Variants in ACACA observed in about 807,000 individuals in gnomAD.
ACACA encodes acetyl-CoA carboxylase alpha.
A neutral mutation model predicts 296.1 loss-of-function variants in ACACA; 103 were observed. The ratio of observed to expected loss-of-function variants is 0.35; its 90% CI spans 0.30 to 0.41. The LOEUF (loss-of-function observed/expected upper bound fraction) is 0.41. Among genes scored for constraint, ACACA ranks in the 10% least tolerant of loss-of-function variants. The pLI is 1.00. For synonymous variants in ACACA, 953 were observed against 1,038.6 expected (o/e 0.92, Z 1.58); for missense variants, 1,554 against 2,989.7 (o/e 0.52, Z 11.20).
chr17:37,342,406 C>CAAAAAAAAAAAAAAAAAAAAAA, intron 1 of ACACA, among the ~76,000 whole-genome samples: 1 of 21,110 alleles, frequency 4.7e-5, no homozygotes, highest in Non-Finnish European at 8.2e-5. Context: ...GACTGTCTCT[C>CAAAAAAAAAAAAAAAAAAAAAA]AAAAAAAAAA....
At chr17:37,329,218 C>T (rs905444734) in intron 3 of ACACA, among the ~76,000 whole-genome samples, 1 of 152,098 alleles carries the variant, frequency 6.6e-6, no homozygotes, top group Non-Finnish European at 1.5e-5. Flanking sequence ...AAACTTACTA[C>T]GAAGTTGACA....
chr17:37,359,260 C>A, intron 1 of ACACA: 2 of 611,230 alleles, frequency 3.3e-6, no homozygotes, highest in Non-Finnish European at 4.1e-6. Flanking sequence ...CCGCTCCGGG[C>A]TGCGGCGCTG....
At chr17:37,316,332 C>T (rs1303150187) in intron 3 of ACACA, among the ~76,000 whole-genome samples, 1 of 151,742 alleles carries the variant, frequency 6.6e-6, no homozygotes, top group Non-Finnish European at 1.5e-5. Context: ...CACACACACA[C>T]ACCCCTAACT....
At chr17:37,158,655 C>T (rs1336720760) in intron 42 of ACACA, among the ~76,000 whole-genome samples, 1 of 151,916 alleles carries the variant, frequency 6.6e-6, no homozygotes, top group Non-Finnish European at 1.5e-5. Flanking sequence ...AACAAAAAAA[C>T]AGGATGAGAT....
intron 54 of ACACA, among the ~76,000 whole-genome samples, chr17:37,094,424 T>G (rs1268423811): frequency 3.3e-5 from 5 of 152,186 alleles, no homozygotes; most frequent in African/African-American, 1.2e-4. Context: ...AGCTAATAGA[T>G]GCCTATCTCG....
chr17:37,212,315 GAAAAGAACACCAATAACAACA>G (rs1397221563), intron 29 of ACACA, among the ~76,000 whole-genome samples: 2 of 152,130 alleles, frequency 1.3e-5, no homozygotes, highest in Non-Finnish European at 2.9e-5. Context: ...GGCCCGAACT[GAAAAGAACACCAATAACAACA>G]AAAAGCCAGG....
At chr17:37,381,356 C>T (rs975869741) in intron 1 of ACACA, among the ~76,000 whole-genome samples, 3 of 151,028 alleles carry the variant, frequency 2.0e-5, no homozygotes, top group Admixed American at 6.6e-5. Context: ...CAGTGAATTT[C>T]TGTATTTTTA....
chr17:37,197,960 A>T (rs12103832), intron 35 of ACACA, among the ~76,000 whole-genome samples: 49,559 of 151,966 alleles, frequency 0.33, 10,048 homozygotes, highest in African/African-American at 0.56. Context: ...TGCCACTATA[A>T]ATAGGAATCA....
In ACACA at chr17:37,191,188, T is replaced by C. The variant is rs1276060484; in HGVS notation, c.4504A>G (p.Asn1502Asp). 6.2e-7 allele frequency: 1 copy of C among 1,614,094 alleles called. No homozygotes were observed. Among genetic ancestry groups the C allele is most frequent in the East Asian group, 2.2e-5 (1 of 44,878 alleles). ...DELEVAFNNTNVRTDCNHIFL... is the reference protein window; with the variant it reads ...DELEVAFNNTDVRTDCNHIFL... ...ATGTGGTTACAGTCAGTGCGGACAT[T>C]TGTATTGTTAAAAGCAACTTCCAAC... is the stretch of plus-strand genomic sequence containing the variant. Residue 1502 changes from asparagine (N) to aspartate (D), a missense_variant, in exon 38 of 56, where the codon AAT (asparagine) becomes GAT (aspartate). Physicochemically the swap from Asn to Asp is conservative, Grantham distance 23. This residue lies in a region of ACACA where 35 missense variants were observed against 131.8 expected (regional missense o/e 0.27). Transcript: ENST00000616317.
intron 14 of ACACA, among the ~76,000 whole-genome samples, chr17:37,257,178 G>C (rs1001830428): frequency 6.6e-6 from 1 of 152,060 alleles, no homozygotes; most frequent in African/African-American, 2.4e-5. Flanking sequence ...TAGCAATGTA[G>C]ACAGTTTCTT....
chr17:37,234,780 T>A (rs570500916), intron 25 of ACACA, among the ~76,000 whole-genome samples, 195 bp downstream of exon 25: 1 of 152,220 alleles, frequency 6.6e-6, no homozygotes, highest in East Asian at 1.9e-4. Flanking sequence ...AGAGTCATTT[T>A]CTCACTAAAG....
At chr17:37,142,771 T>C (rs1459982360) in intron 45 of ACACA, among the ~76,000 whole-genome samples, 2 of 152,222 alleles carry the variant, frequency 1.3e-5, no homozygotes, top group Non-Finnish European at 2.9e-5. Context: ...CCTCTCACAT[T>C]AATGGCTTTC....
intron 1 of ACACA, among the ~76,000 whole-genome samples, chr17:37,383,726 T>C (rs1237649016): frequency 6.6e-6 from 1 of 152,134 alleles, no homozygotes; most frequent in Non-Finnish European, 1.5e-5. Flanking sequence ...GTATTTTTAG[T>C]AGAGATAGGG....
chr17:37,135,230 G>A (rs1288061813), intron 45 of ACACA, among the ~76,000 whole-genome samples: 1 of 152,216 alleles, frequency 6.6e-6, no homozygotes, highest in Non-Finnish European at 1.5e-5. Flanking sequence ...AAATCTCTAG[G>A]GAGATGGAAC....
At chr17:37,341,448 T>C (rs2048366914) in intron 1 of ACACA, among the ~76,000 whole-genome samples, 1 of 152,092 alleles carries the variant, frequency 6.6e-6, no homozygotes, top group Non-Finnish European at 1.5e-5. Flanking sequence ...CCCAGCACTT[T>C]GGGAGGCCAA....
intron 10 of ACACA, among the ~76,000 whole-genome samples, chr17:37,268,725 C>CTATATATATATA (rs1391160604): frequency 1.3e-4 from 15 of 111,632 alleles, no homozygotes; most frequent in African/African-American, 5.9e-4. Context: ...ATCTATCTAT[C>CTATATATATATA]TATCTATCTA....
rs1476878407 is a variant in ACACA at position 37,258,287 on chromosome 17, A to T, written c.1587T>A (p.Phe529Leu). 1 of 1,614,026 alleles carries T rather than the reference A, an allele frequency of 6.2e-7. No homozygotes were observed. The highest frequency in any genetic ancestry group is 1.3e-5 in the African/African-American group (1 of 74,930). ...GACAAGGAACGTGTGCAGAATCTTC[A>T]AAATCAATGGGAGAATCACCCCAGG... is the stretch of plus-strand genomic sequence containing the variant. Reference protein sequence around the residue: ...VSPWGDSPIDFEDSAHVPCPR... With the variant: ...VSPWGDSPIDLEDSAHVPCPR... The change falls in exon 13 of 56, where the codon TTT (phenylalanine) becomes TTA (leucine). Residue 529 changes from phenylalanine to leucine, a missense_variant. Physicochemically the swap from Phe to Leu is conservative, Grantham distance 22. Around this residue, in one of 16 missense-constraint regions of ACACA, gnomAD observed 37 missense variants for 49.9 expected, o/e 0.74. Coordinates refer to ENST00000616317, the MANE Select transcript of ACACA (RefSeq NM_198834.3).
chr17:37,126,980 C>T (rs760457226), intron 47 of ACACA, among the ~76,000 whole-genome samples: 37 of 152,312 alleles, frequency 2.4e-4, no homozygotes, highest in Non-Finnish European at 3.7e-4. Context: ...TTCTTTAACG[C>T]TTCCACTAAA....
In ACACA at chr17:37,113,116, T is replaced by C. The variant is rs771997534; in HGVS notation, c.6424A>G (p.Met2142Val). ...CTTTCTCGGTCAGCATACATCTCCA[T>C]GTGCCGGGGGTTGATGGAGGAGTCA... is the stretch of plus-strand genomic sequence containing the variant. ...VIDSSINPRHMEMYADRESRG... is the reference protein window; with the variant it reads ...VIDSSINPRHVEMYADRESRG... Residue 2142 changes from methionine to valine, a missense_variant, in exon 51 of 56, where the codon ATG (methionine) becomes GTG (valine). Physicochemically the swap from Met to Val is conservative, Grantham distance 21. Around this residue, in one of 16 missense-constraint regions of ACACA, gnomAD observed 553 missense variants for 1,043.6 expected, o/e 0.53. Coordinates refer to ENST00000616317, the MANE Select transcript of ACACA (RefSeq NM_198834.3). This position sits in a 1 kb window ranked among gnomAD's most constrained non-coding sequence, Gnocchi z 4.0. 1 of 1,614,146 alleles carries C rather than the reference T, an allele frequency of 6.2e-7. No homozygotes were observed. The highest frequency in any genetic ancestry group is 1.1e-5 in the South Asian group (1 of 91,074).
Sources: gnomAD v4.1 joint callset for allele counts (sites outside exome capture counted in the v4.1 genomes callset) on GRCh38, gnomAD v4.1.1 for gene constraint, gnomAD v4.1.1 regional missense constraint, Gnocchi (gnomAD v3.1) non-coding constraint, MANE v1.5 for transcripts, NCBI Gene and HGNC (gene_info 2026-07-23, HGNC 2026-07-21) for gene names.